Variants in OLFM1 observed in about 807,000 individuals in gnomAD.
OLFM1 encodes olfactomedin 1.
In OLFM1, 9 loss-of-function variants were observed where a neutral mutation model predicts 49.7. That is an observed-to-expected ratio of 0.18 (90% CI 0.11 to 0.32). OLFM1 has a LOEUF of 0.32. Ranked by LOEUF, OLFM1 falls within the 10% of genes least tolerant of loss-of-function variation. The pLI is 1.00. For synonymous variants in OLFM1, 240 were observed against 271.8 expected, an observed-to-expected ratio of 0.88 and a Z score of 1.15; for missense variants, 369 against 661.8, an observed-to-expected ratio of 0.56 and a Z score of 4.85.
At chr9:135,091,513 A>T (rs538598931) in intron 2 of OLFM1, among the ~76,000 whole-genome samples, 5 of 99,484 alleles carry the variant, frequency 5.0e-5, no homozygotes, top group Admixed American at 2.1e-4. Context: ...ACACAGTCTC[A>T]CACACACATA....
chr9:135,100,010 C>A (rs992608975), intron 4 of OLFM1, among the ~76,000 whole-genome samples: 4 of 152,186 alleles, frequency 2.6e-5, no homozygotes, highest in African/African-American at 9.7e-5. Flanking sequence ...AGTGACCTCA[C>A]CATTGCCCCT....
chr9:135,090,050 G>T (rs1830658685), intron 1 of OLFM1, 145 bp from the exon 2 acceptor site: 2 of 754,482 alleles, frequency 2.7e-6, no homozygotes, highest in Non-Finnish European at 4.1e-6. Context: ...TTCCCTTTGG[G>T]TCAAACATGT....
At chr9:135,109,668 T>C (rs2119134128) in intron 5 of OLFM1, among the ~76,000 whole-genome samples, 1 of 151,742 alleles carries the variant, frequency 6.6e-6, no homozygotes, top group East Asian at 1.9e-4. Flanking sequence ...TCTTTTCCAA[T>C]CTCCCATTCA....
chr9:135,097,531 G>C (rs1245893690), intron 3 of OLFM1, among the ~76,000 whole-genome samples: 1 of 152,148 alleles, frequency 6.6e-6, no homozygotes, highest in Non-Finnish European at 1.5e-5. Flanking sequence ...TCCAATTTTG[G>C]GGTGCTGTGG....
chr9:135,094,974 A>G (rs1251591251), intron 2 of OLFM1: 1 of 152,236 alleles, frequency 6.6e-6, no homozygotes, highest in Non-Finnish European at 1.5e-5. Context: ...AGCAATCCTC[A>G]GCTTCCTCCC....
intron 4 of OLFM1, among the ~76,000 whole-genome samples, chr9:135,102,364 G>A (rs976760702): frequency 3.3e-5 from 5 of 152,218 alleles, no homozygotes; most frequent in Non-Finnish European, 4.4e-5. Context: ...CACATGGTGC[G>A]TTCAAGGATA....
chr9:135,104,254 C>T (rs575343347), intron 4 of OLFM1, among the ~76,000 whole-genome samples: 83 of 152,256 alleles, frequency 5.5e-4, no homozygotes, highest in African/African-American at 1.8e-3. Context: ...GGGCTGGGGC[C>T]GGCACACCAG....
At chr9:135,086,603 T>C (rs1431667928), upstream of OLFM1, 1 of 456,090 alleles carries the variant, frequency 2.2e-6, no homozygotes, top group East Asian at 6.9e-5. Flanking sequence ...CTGGGAAAGC[T>C]TAATGGAAGG....
At chr9:135,112,589 T>A (rs972899891) in intron 5 of OLFM1, among the ~76,000 whole-genome samples, 2 of 152,134 alleles carry the variant, frequency 1.3e-5, no homozygotes, top group Admixed American at 6.5e-5. Flanking sequence ...CAGCCAGCCA[T>A]GCACACCTGC....
At chr9:135,082,284 G>A (rs1830542572) in intron 1 of OLFM1, among the ~76,000 whole-genome samples, 1 of 152,104 alleles carries the variant, frequency 6.6e-6, no homozygotes, top group South Asian at 2.1e-4. Context: ...TCACAGCATC[G>A]CTTTGGGCCG....
intron 5 of OLFM1, among the ~76,000 whole-genome samples, chr9:135,116,630 C>T (rs1831100110): frequency 6.6e-6 from 1 of 151,976 alleles, no homozygotes; most frequent in Non-Finnish European, 1.5e-5. Flanking sequence ...CCCCTCCAGG[C>T]AGGTCAGGAG....
exon 1 of OLFM1, chr9:135,075,766 C>T (rs1830455877): frequency 1.2e-6 from 2 of 1,607,716 alleles, no homozygotes; most frequent in Non-Finnish European, 8.5e-7. Flanking sequence ...TCCTCAGCCT[C>T]CTCTTCCTCA....
chr9:135,116,972 T>C (rs1449694430), intron 5 of OLFM1, among the ~76,000 whole-genome samples: 1 of 151,504 alleles, frequency 6.6e-6, no homozygotes, highest in Admixed American at 6.6e-5. Context: ...TTTTTTTTAA[T>C]TTTTAGCGCG....
Position 135,120,496 on chromosome 9 carries a change from C to T in OLFM1, c.*318C>T, listed in dbSNP as rs901862432. 3.8e-5 allele frequency: 13 copies of T among 343,654 alleles called. No individual in the cohort carries two copies. Among genetic ancestry groups the T allele is most frequent in the Middle Eastern group, 7.9e-4 (1 of 1,258 alleles). 21.3% of individuals were successfully genotyped at this position (343,654 alleles called of 1,614,324 possible). A position where few individuals can be genotyped will look rare whatever the true frequency, so the allele number is the denominator to read the frequency against. ...GCAATGACTGTTGGCCAGTTCTCAC[C>T]GGGGAAAAACCCACTGTTAGGATGG... On this transcript the variant is annotated 3_prime_UTR_variant, in exon 6 of 6. Coordinates refer to ENST00000371793, the MANE Select transcript of OLFM1 (RefSeq NM_001282611.2).
intron 5 of OLFM1, among the ~76,000 whole-genome samples, chr9:135,115,312 G>C (rs996584230): frequency 6.6e-6 from 1 of 152,202 alleles, no homozygotes; most frequent in Non-Finnish European, 1.5e-5. Flanking sequence ...AGAGGGAGGA[G>C]GCCGGCGAAG....
intron 2 of OLFM1, among the ~76,000 whole-genome samples, chr9:135,091,484 C>T (rs1382134310): frequency 3.3e-5 from 5 of 150,996 alleles, no homozygotes; most frequent in South Asian, 2.1e-4. Context: ...CACATTCACA[C>T]ATAGTCACAC....
In OLFM1 at chr9:135,098,147, C is replaced by A; in HGVS notation, c.457-139C>A. The A allele has an allele frequency of 6.9e-7, 1 of 1,439,944 alleles. No individual in the cohort carries two copies. 89.2% of individuals were successfully genotyped at this position (1,439,944 alleles called of 1,614,324 possible). On this transcript the variant is annotated intron_variant, in intron 3 of 5. Coordinates refer to ENST00000371793, the MANE Select transcript of OLFM1 (RefSeq NM_001282611.2). The surrounding 1 kb of genome is among the most constrained non-coding windows in gnomAD (Gnocchi z 5.6). ...GACTGTTTAATATGCTCTTCTAACT[C>A]ATTTGGACCAGAACAAATAAGCCTG...
chr9:135,102,148 C>T (rs1452990508), intron 4 of OLFM1, among the ~76,000 whole-genome samples: 1 of 152,198 alleles, frequency 6.6e-6, no homozygotes, highest in East Asian at 1.9e-4. Flanking sequence ...CAGTTGCAGG[C>T]CCCCGTCCCA....
chr9:135,111,203 G>C (rs757884269), intron 5 of OLFM1, among the ~76,000 whole-genome samples: 2 of 152,188 alleles, frequency 1.3e-5, no homozygotes, highest in African/African-American at 2.4e-5. Flanking sequence ...CTGAAAGCAT[G>C]GTATTTACAA....
Sources: allele counts gnomAD v4.1 joint callset (sites outside exome capture counted in the v4.1 genomes callset), GRCh38; gene constraint gnomAD v4.1.1; non-coding constraint Gnocchi (gnomAD v3.1); transcripts MANE v1.5; gene names NCBI Gene and HGNC (gene_info 2026-07-23, HGNC 2026-07-21).